Variants in RNF144A observed in about 807,000 individuals in gnomAD.
RNF144A encodes E3 ubiquitin-protein ligase RNF144A.
In RNF144A, 11 loss-of-function variants were observed where a neutral mutation model predicts 38.7. The ratio of observed to expected loss-of-function variants is 0.28; its 90% CI spans 0.18 to 0.47. RNF144A has a LOEUF of 0.47. Among genes scored for constraint, RNF144A ranks in the 20% least tolerant of loss-of-function variants. The probability of loss-of-function intolerance (pLI) is 0.99; values close to 1 mark genes in which losing one functional copy is unlikely to be tolerated. For synonymous variants in RNF144A, 149 were observed against 143.9 expected (o/e 1.04, Z -0.25); for missense variants, 316 against 377.2 (o/e 0.84, Z 1.34).
chr2:7,066,221 G>A (rs1674212827), intron 6 of RNF144A, among the ~76,000 whole-genome samples: 1 of 152,040 alleles, frequency 6.6e-6, no homozygotes, highest in African/African-American at 2.4e-5. Flanking sequence ...CCGAGTAGCT[G>A]GGACTACAGG....
Position 7,039,160 on chromosome 2 carries a change from A to G in RNF144A, c.748-469A>G, listed in dbSNP as rs368754950. 5.9e-3 allele frequency among the ~76,000 whole-genome samples: 882 copies of G among 148,552 alleles called. 1 individual carries two copies. The highest frequency in any genetic ancestry group is 0.019 in the Middle Eastern group (5 of 264). On this transcript the variant is annotated intron_variant, in intron 8 of 8. Transcript: ENST00000320892. ...GGTGGATGGATGGATAGAGAGATGG[A>G]TGATGGTTAATGGATGAATGGGTAG...
At chr2:7,029,232 T>C (rs1427917039) in intron 7 of RNF144A, among the ~76,000 whole-genome samples, 1 of 152,226 alleles carries the variant, frequency 6.6e-6, no homozygotes, top group African/African-American at 2.4e-5. Context: ...CGTGGCACCA[T>C]GTGCCTCGTC....
intron 8 of RNF144A, among the ~76,000 whole-genome samples, chr2:7,034,471 C>T (rs975219659): frequency 1.3e-5 from 2 of 152,154 alleles, no homozygotes; most frequent in Admixed American, 6.5e-5. Context: ...GTAAAGAGCT[C>T]GCTTCTGCCA....
At chr2:6,968,794 T>A (rs1294040351) in intron 2 of RNF144A, among the ~76,000 whole-genome samples, 2 of 152,146 alleles carry the variant, frequency 1.3e-5, no homozygotes, top group African/African-American at 4.8e-5. Flanking sequence ...ATTGCCAGTG[T>A]CTCTTGGCAT....
At chr2:6,918,529 C>A (rs953091234) in intron 1 of RNF144A, 2 of 152,008 alleles carry the variant, frequency 1.3e-5, no homozygotes, top group Non-Finnish European at 2.9e-5. Context: ...GTAATCCCAG[C>A]ACTTTGGGAG....
At chr2:7,033,801 A>G (rs550417487) in intron 8 of RNF144A, among the ~76,000 whole-genome samples, 4 of 152,154 alleles carry the variant, frequency 2.6e-5, no homozygotes, top group Non-Finnish European at 5.9e-5. Flanking sequence ...TGTTTTGCTC[A>G]TCTTTGTAAC....
At chr2:7,062,384 A>G (rs1673991356) in intron 6 of RNF144A, among the ~76,000 whole-genome samples, 1 of 151,960 alleles carries the variant, frequency 6.6e-6, no homozygotes, top group Admixed American at 6.6e-5. Flanking sequence ...GTTAAAAATG[A>G]AGTACATTCT....
chr2:6,946,883 A>G (rs1372399094), intron 2 of RNF144A, among the ~76,000 whole-genome samples: 2 of 152,176 alleles, frequency 1.3e-5, no homozygotes, highest in East Asian at 3.8e-4. Context: ...TCTTGGTTGT[A>G]CATTATTTAC....
At chr2:6,961,677 T>TG (rs1667350462) in intron 2 of RNF144A, among the ~76,000 whole-genome samples, 2 of 152,212 alleles carry the variant, frequency 1.3e-5, no homozygotes, top group South Asian at 4.1e-4. Context: ...GTCTGGCACA[T>TG]GACTTTGAAT....
intron 2 of RNF144A, among the ~76,000 whole-genome samples, chr2:6,978,283 T>TTCTATATTAATGTATATTAATGTAAA (rs1359324773): frequency 2.0e-5 from 3 of 152,176 alleles, no homozygotes; most frequent in African/African-American, 7.2e-5. Flanking sequence ...GGTGCTGTAA[T>TTCTATATTAATGTATATTAATGTAAA]TCTATATTAA....
intron 6 of RNF144A, among the ~76,000 whole-genome samples, chr2:7,056,875 A>G (rs1197048440): frequency 6.6e-6 from 1 of 152,180 alleles, no homozygotes; most frequent in African/African-American, 2.4e-5. Flanking sequence ...ACAATATTAA[A>G]TATGTGCACC....
downstream of RNF144A, among the ~76,000 whole-genome samples, chr2:7,046,777 G>A (rs1289252596): frequency 6.6e-6 from 1 of 152,174 alleles, no homozygotes; most frequent in African/African-American, 2.4e-5. Flanking sequence ...GAAAAATGGA[G>A]TCAATATTTT....
At position 7,030,191 on chromosome 2, in the gene RNF144A, A is replaced by G. The variant is rs902001647; in HGVS notation, c.723A>G (p.Ala241=). 3 of 1,613,170 alleles carry G rather than the reference A, an allele frequency of 1.9e-6. No individual in the cohort carries two copies. The highest frequency in any genetic ancestry group is 3.3e-5 in the Admixed American group (2 of 59,964). ...GGAACAAGCTGGGCCACTCCCGGGC[A>G]TCTGTGATCTGGCATCGGACACAGG... ...PCRNKLGHSR[A]SVIWHRTQVV... The change falls in exon 8 of 9, where the codon GCA becomes GCG. Residue 241 remains alanine, a synonymous_variant. Coordinates refer to ENST00000320892, the MANE Select transcript of RNF144A (RefSeq NM_014746.6).
intron 1 of RNF144A, among the ~76,000 whole-genome samples, chr2:6,924,582 G>GA (rs1452766617): frequency 6.6e-6 from 1 of 152,222 alleles, no homozygotes. Flanking sequence ...GGATGCTGAG[G>GA]AGACAGGGCT....
intron 1 of RNF144A, among the ~76,000 whole-genome samples, chr2:6,930,743 C>A (rs992303826): frequency 3.5e-4 from 53 of 152,008 alleles, no homozygotes; most frequent in African/African-American, 1.3e-3. Context: ...AGGTGTGTGC[C>A]ACCACACCCA....
chr2:6,958,552 A>G lies in RNF144A; in HGVS notation c.-12+17405A>G, dbSNP rs1667145862. On this transcript the variant is annotated intron_variant, in intron 2 of 8. Transcript: ENST00000320892. This position sits in a 1 kb window ranked among gnomAD's most constrained non-coding sequence, Gnocchi z 4.5. ...CGCTGGCTCCTTCTGGGAGTTACAA[A>G]TGTTGGGCTGTGACTAGCACCTTGA... 6.6e-6 allele frequency among the ~76,000 whole-genome samples: 1 copy of G among 151,940 alleles called. No homozygotes were observed.
chr2:7,061,316 C>T (rs905807084), intron 6 of RNF144A, among the ~76,000 whole-genome samples: 1 of 152,198 alleles, frequency 6.6e-6, no homozygotes, highest in Non-Finnish European at 1.5e-5. Context: ...CAGCACAGAG[C>T]TCTCATGGGA....
intron 1 of RNF144A, among the ~76,000 whole-genome samples, chr2:6,923,443 C>A (rs1030268191): frequency 1.3e-5 from 2 of 152,224 alleles, no homozygotes; most frequent in African/African-American, 4.8e-5. Flanking sequence ...AGTGTTCAAG[C>A]CTCTTCCTGC....
At chr2:6,999,987 A>G (rs1380467783) in intron 3 of RNF144A, among the ~76,000 whole-genome samples, 1 of 152,210 alleles carries the variant, frequency 6.6e-6, no homozygotes, top group Non-Finnish European at 1.5e-5. Flanking sequence ...ACAGCCAGAG[A>G]CATACTGTCA....
Sources: gnomAD v4.1 joint callset for allele counts (sites outside exome capture counted in the v4.1 genomes callset) on GRCh38, gnomAD v4.1.1 for gene constraint, Gnocchi (gnomAD v3.1) non-coding constraint, MANE v1.5 for transcripts, NCBI Gene and HGNC (gene_info 2026-07-23, HGNC 2026-07-21) for gene names.